KCTD3: variants seen among roughly 807,000 people sequenced by gnomAD.
KCTD3 encodes the protein potassium channel tetramerization domain containing 3.
A neutral mutation model predicts 85.8 loss-of-function variants in KCTD3; 41 were observed. The observed-to-expected ratio is 0.48, with a 90% CI of 0.37 to 0.62. KCTD3 has a LOEUF of 0.62. KCTD3 is among the 20% of genes least tolerant of loss of function. KCTD3 has a pLI of 0.00. For synonymous variants in KCTD3, 338 were observed against 345.4 expected, an observed-to-expected ratio of 0.98 and a Z score of 0.24; for missense variants, 724 against 989.9, an observed-to-expected ratio of 0.73 and a Z score of 3.60.
intron 15 of KCTD3, 70 bp downstream of exon 15, chr1:215,611,991 T>TA: frequency 3.1e-6 from 3 of 981,382 alleles, no homozygotes; most frequent in Non-Finnish European, 4.9e-6. Flanking sequence ...ATGGCATAAT[T>TA]TGACATATTG....
intron 1 of KCTD3, among the ~76,000 whole-genome samples, chr1:215,570,840 A>G (rs1010442205): frequency 2.6e-5 from 4 of 152,360 alleles, no homozygotes; most frequent in African/African-American, 7.2e-5. Flanking sequence ...TTCTTGGGAC[A>G]CTATGGGTAT....
chr1:215,568,498 C>G (rs980974272), intron 1 of KCTD3, among the ~76,000 whole-genome samples: 2 of 42,050 alleles, frequency 4.8e-5, no homozygotes, highest in African/African-American at 1.4e-4. Flanking sequence ...CCCCCCCCCC[C>G]CCGCCCCTTC....
chr1:215,599,902 A>AG (rs1420675266), intron 10 of KCTD3, among the ~76,000 whole-genome samples: 2 of 152,024 alleles, frequency 1.3e-5, no homozygotes, highest in Non-Finnish European at 2.9e-5. Context: ...GAAAAAAAAA[A>AG]AAAAAAAAGA....
chr1:215,575,523 A>G (rs758091433), intron 3 of KCTD3, among the ~76,000 whole-genome samples: 6 of 152,302 alleles, frequency 3.9e-5, no homozygotes, highest in East Asian at 1.9e-4. Context: ...ACAGTATAAG[A>G]AAGTATTATT....
At chr1:215,589,644 C>T (rs748122942) in intron 9 of KCTD3, among the ~76,000 whole-genome samples, 2 of 152,118 alleles carry the variant, frequency 1.3e-5, no homozygotes, top group Non-Finnish European at 2.9e-5. Flanking sequence ...CTTTTTGTCA[C>T]CATAGATTAG....
chr1:215,598,811 T>C (rs1050358546), intron 10 of KCTD3, among the ~76,000 whole-genome samples: 1 of 151,664 alleles, frequency 6.6e-6, no homozygotes, highest in African/African-American at 2.4e-5. Flanking sequence ...AAGAGTGAGA[T>C]AGAAAATATG....
intron 15 of KCTD3, among the ~76,000 whole-genome samples, chr1:215,613,721 T>C (rs1289937352): frequency 6.6e-6 from 1 of 152,198 alleles, no homozygotes; most frequent in Admixed American, 6.5e-5. Context: ...TGCAAATGGC[T>C]AGCCAGTAAT....
At chr1:215,618,813 C>CT in intron 15 of KCTD3, 73 bp from the exon 16 acceptor site, 4 of 1,124,862 alleles carry the variant, frequency 3.6e-6, no homozygotes, top group Non-Finnish European at 5.1e-6. Flanking sequence ...TTCTTTCTGT[C>CT]TTTTTAGTTT....
At chr1:215,579,810 A>G (rs981584000) in intron 7 of KCTD3, 99 bp from the exon 8 acceptor site, 10 of 804,266 alleles carry the variant, frequency 1.2e-5, no homozygotes, top group South Asian at 1.5e-5. Flanking sequence ...TAACAAAACT[A>G]TTAACCAAAA....
Position 215,567,600 on chromosome 1 carries a change from C to G in KCTD3, c.-86C>G, listed in dbSNP as rs935576108. On this transcript the variant is annotated 5_prime_UTR_variant, in exon 1 of 18. Coordinates refer to ENST00000259154, the MANE Select transcript of KCTD3 (RefSeq NM_016121.5). ...GCCGCCGCCCCGCTGGCCCTGCAGC[C>G]GTCGCCGCTGCCTCGGGCTACAGCC... is the stretch of plus-strand genomic sequence containing the variant. The G allele has an allele frequency of 1.2e-6, 1 of 821,388 alleles. No homozygotes were observed. The highest frequency in any genetic ancestry group is 1.6e-6 in the Non-Finnish European group (1 of 623,606). The allele number at this position is 821,388 out of a possible 1,614,324, so 50.9% of individuals were successfully genotyped here.
chr1:215,575,996 A>G (rs1659559942), intron 4 of KCTD3, 22 bp downstream of exon 4: 2 of 1,179,936 alleles, frequency 1.7e-6, no homozygotes, highest in African/African-American at 1.6e-5. Context: ...ACTCTTTTTA[A>G]AGTAAATTCT....
chr1:215,611,347 A>C (rs1210999945), intron 14 of KCTD3, among the ~76,000 whole-genome samples: 1 of 151,932 alleles, frequency 6.6e-6, no homozygotes, highest in African/African-American at 2.4e-5. Flanking sequence ...AAAAGAAGAA[A>C]TGTGGTTAAC....
At chr1:215,615,602 A>G (rs1655408607) in intron 15 of KCTD3, among the ~76,000 whole-genome samples, 2 of 151,738 alleles carry the variant, frequency 1.3e-5, no homozygotes, top group Admixed American at 6.6e-5. Flanking sequence ...CCTGGGCGAC[A>G]GAGCAGGCCT....
chr1:215,583,760 A>T (rs1437314644), intron 8 of KCTD3, among the ~76,000 whole-genome samples: 3 of 152,180 alleles, frequency 2.0e-5, no homozygotes, highest in Non-Finnish European at 2.9e-5. Context: ...AATAGGGATG[A>T]TGGTATTTCT....
intron 15 of KCTD3, 94 bp downstream of exon 15, chr1:215,612,015 AC>A (rs1488810668): frequency 1.3e-6 from 1 of 782,318 alleles, no homozygotes; most frequent in Non-Finnish European, 2.2e-6. Flanking sequence ...AAAGAGTGCT[AC>A]TAGAAACAAA....
chr1:215,576,798 C>T (rs557981067), intron 4 of KCTD3, among the ~76,000 whole-genome samples: 16 of 151,648 alleles, frequency 1.1e-4, no homozygotes, highest in African/African-American at 3.6e-4. Flanking sequence ...TCCATCTCCT[C>T]ACCTCGTAAT....
rs1324272996 is a variant in KCTD3 at position 215,567,519 on chromosome 1, CCCGCCCGG to C, written c.-161_-154del. 3.3e-6 allele frequency: 1 copy of C among 301,974 alleles called. No individual in the cohort carries two copies. Among genetic ancestry groups the C allele is most frequent in the Non-Finnish European group, 6.0e-6 (1 of 167,570 alleles). 18.7% of individuals were successfully genotyped at this position (301,974 alleles called of 1,614,324 possible). A position where few individuals can be genotyped will look rare whatever the true frequency, so the allele number is the denominator to read the frequency against. ...CGGGAAGGGGCAGAAGCTAGCGAGC[CCCGCCCGG>C]CCGCCGGGAAGGTGGGGGAAGCCCC... On this transcript the variant is annotated 5_prime_UTR_variant, in exon 1 of 18. Coordinates refer to ENST00000259154, the MANE Select transcript of KCTD3 (RefSeq NM_016121.5).
intron 15 of KCTD3, chr1:215,618,163 T>G (rs1490612306): frequency 4.3e-6 from 2 of 465,696 alleles, no homozygotes; most frequent in African/African-American, 4.0e-5. Context: ...AGGTAAACTT[T>G]CACTTTCCTT....
intron 6 of KCTD3, 96 bp downstream of exon 6, chr1:215,578,177 T>C: frequency 1.1e-6 from 1 of 934,422 alleles, no homozygotes; most frequent in Non-Finnish European, 1.6e-6. Flanking sequence ...ATTATTGAGT[T>C]TTTTGTCTAT....
Sources: allele counts gnomAD v4.1 joint callset (sites outside exome capture counted in the v4.1 genomes callset), GRCh38; gene constraint gnomAD v4.1.1; transcripts MANE v1.5; gene names NCBI Gene and HGNC (gene_info 2026-07-23, HGNC 2026-07-21).